The following RXFP2 variants were observed in gnomAD, a reference collection of about 807,000 sequenced individuals.
RXFP2 encodes the protein relaxin receptor 2.
A neutral mutation model predicts 88.6 loss-of-function variants in RXFP2; 68 were observed. The observed-to-expected ratio is 0.77, with a 90% CI of 0.63 to 0.94. The LOEUF (loss-of-function observed/expected upper bound fraction) is 0.94, where lower values mean the gene tolerates loss of function less well. Ranked by LOEUF, RXFP2 falls within the 40% of genes least tolerant of loss-of-function variation. The probability of loss-of-function intolerance (pLI) is 0.00; values close to 1 mark genes in which losing one functional copy is unlikely to be tolerated. For missense variants in RXFP2, 791 were observed against 893.9 expected (o/e 0.88, Z 1.47); for synonymous variants, 329 against 306.8 (o/e 1.07, Z -0.76).
At chr13:31,740,018 G>T (rs1414345364) in intron 1 of RXFP2, among the ~76,000 whole-genome samples, 2 of 152,116 alleles carry the variant, frequency 1.3e-5, no homozygotes, top group Non-Finnish European at 2.9e-5. Context: ...TCTGAAAAGT[G>T]TGACAAATTA....
intron 2 of RXFP2, 151 bp from the exon 3 acceptor site, chr13:31,761,573 C>G (rs1023813218): frequency 1.7e-6 from 1 of 593,532 alleles, no homozygotes; most frequent in Non-Finnish European, 3.1e-6. Flanking sequence ...AGATGTTTGC[C>G]TAACTTTTTC....
chr13:31,794,299 C>T (rs977906650), intron 16 of RXFP2, among the ~76,000 whole-genome samples: 1 of 151,536 alleles, frequency 6.6e-6, no homozygotes, highest in African/African-American at 2.4e-5. Context: ...CTTTGTATTT[C>T]CTTATCATTC....
At position 31,761,733 on chromosome 13, in the gene RXFP2, G is replaced by A. The variant is rs758330882; in HGVS notation, c.251G>A (p.Ser84Asn). The A allele has an allele frequency of 1.2e-6, 2 of 1,611,212 alleles. No individual in the cohort carries two copies. The highest frequency in any genetic ancestry group is 2.2e-5 in the South Asian group (2 of 91,034). Residue 84 changes from serine to asparagine, a missense_variant, in exon 3 of 18, where the codon AGT becomes AAT. Coordinates refer to ENST00000298386, the MANE Select transcript of RXFP2 (RefSeq NM_130806.5). ...GADEENCGDTSGWATIFGTVH... is the reference protein window; with the variant it reads ...GADEENCGDTNGWATIFGTVH... ...AATCACTATTTCACAGGTGACACTA[G>A]TGGATGGGCGACCATATTTGGCACA...
intron 3 of RXFP2, among the ~76,000 whole-genome samples, chr13:31,764,398 CCTT>C (rs1300538140): frequency 6.1e-5 from 9 of 148,282 alleles, no homozygotes; most frequent in East Asian, 2.0e-4. Flanking sequence ...CATCCTGAGT[CCTT>C]CTTCTTTCTT....
At position 31,765,131 on chromosome 13, in the gene RXFP2, T is replaced by C. The variant is rs143488386; in HGVS notation, c.414T>C (p.Asn138=). The C allele has an allele frequency of 1.2e-4, 196 of 1,592,110 alleles. 1 individual carries two copies. The highest frequency in any genetic ancestry group is 1.5e-4 in the Non-Finnish European group (178 of 1,160,452). ...DLKSVPMISN[N]VTLLSLKKNK... is the part of the protein sequence containing the mutation. ...AGTCTGTGCCGATGATTTCTAACAA[T>C]GTGACATTACTGTGAGTAAAACTTA... The change falls in exon 4 of 18, where the codon AAT becomes AAC. Residue 138 remains asparagine (N), a synonymous_variant. Coordinates refer to ENST00000298386, the MANE Select transcript of RXFP2 (RefSeq NM_130806.5).
At chr13:31,776,180 TTC>T (rs559202056) in intron 7 of RXFP2, among the ~76,000 whole-genome samples, 12 of 148,864 alleles carry the variant, frequency 8.1e-5, no homozygotes, top group Non-Finnish European at 1.5e-4. Context: ...TCCTTTCTCT[TTC>T]TCTCTTTCTT....
At chr13:31,759,402 A>AAAGAAAGAAAGAAAGAAAGAAAGAAAG (rs1280067597) in intron 2 of RXFP2, among the ~76,000 whole-genome samples, 13 of 148,730 alleles carry the variant, frequency 8.7e-5, no homozygotes, top group African/African-American at 1.2e-4. Context: ...AGAAAGAAAG[A>AAAGAAAGAAAGAAAGAAAGAAAGAAAG]AAGAAAGAAA....
At chr13:31,771,040 C>T (rs894521380) in intron 5 of RXFP2, among the ~76,000 whole-genome samples, 1 of 152,164 alleles carries the variant, frequency 6.6e-6, no homozygotes, top group Non-Finnish European at 1.5e-5. Flanking sequence ...AAAGGAAAGG[C>T]ATCCCCACAG....
At chr13:31,773,938 C>A (rs976480996) in intron 5 of RXFP2, among the ~76,000 whole-genome samples, 1 of 152,182 alleles carries the variant, frequency 6.6e-6, no homozygotes, top group Non-Finnish European at 1.5e-5. Context: ...GAATTCAGAG[C>A]TAACTTCCCA....
chr13:31,745,337 C>T (rs925271647), intron 1 of RXFP2, among the ~76,000 whole-genome samples: 10 of 152,158 alleles, frequency 6.6e-5, no homozygotes, highest in African/African-American at 2.2e-4. Flanking sequence ...TCTGAACTGT[C>T]GCATCTCAGA....
chr13:31,788,720 C>A (rs1029867979), intron 13 of RXFP2, among the ~76,000 whole-genome samples: 1 of 152,102 alleles, frequency 6.6e-6, no homozygotes, highest in Non-Finnish European at 1.5e-5. Flanking sequence ...ATATTTAAAT[C>A]CAGATTCTCA....
chr13:31,767,337 TG>T (rs1407424642), intron 5 of RXFP2, among the ~76,000 whole-genome samples: 1 of 152,206 alleles, frequency 6.6e-6, no homozygotes, highest in Admixed American at 6.5e-5. Context: ...TGTGGGTATG[TG>T]GTCATGTCAT....
chr13:31,792,898 A>C lies in RXFP2; in HGVS notation c.1596A>C (p.Arg532=). The C allele has an allele frequency of 6.2e-7, 1 of 1,614,062 alleles. No individual in the cohort carries two copies. Among genetic ancestry groups the C allele is most frequent in the Non-Finnish European group, 8.5e-7 (1 of 1,180,014 alleles). ...TTGTCTTCCCCTTCAGTAACATTCG[A>C]CCTGGAAAACGGCAGACCTCAGTCA... ...LVIVFPFSNI[R]PGKRQTSVIL... Residue 532 remains arginine, a synonymous_variant, in exon 16 of 18, where the codon CGA becomes CGC. Coordinates refer to ENST00000298386, the MANE Select transcript of RXFP2 (RefSeq NM_130806.5).
Position 31,797,239 on chromosome 13 carries a change from T to C in RXFP2, c.1825T>C (p.Tyr609His). 2.5e-6 allele frequency: 4 copies of C among 1,613,974 alleles called. No individual in the cohort carries two copies. The highest frequency in any genetic ancestry group is 1.7e-4 in the Middle Eastern group (1 of 6,060). ...GGCTTTTCTCATCATTGTGTTTTCC[T>C]ATATTACTATGTTCTGTTCCATTCA... ...LLAFLIIVFS[Y>H]ITMFCSIQKT... Residue 609 changes from tyrosine (Y) to histidine (H), a missense_variant, in exon 17 of 18, where the codon TAT (tyrosine) becomes CAT (histidine). Tyr to His is a moderately conservative substitution (Grantham distance 83). Coordinates refer to ENST00000298386, the MANE Select transcript of RXFP2 (RefSeq NM_130806.5).
chr13:31,766,315 G>A (rs1221216040), intron 5 of RXFP2, among the ~76,000 whole-genome samples: 1 of 151,844 alleles, frequency 6.6e-6, no homozygotes, highest in Admixed American at 6.6e-5. Flanking sequence ...TCAAGATATT[G>A]GGAAAATGAC....
At chr13:31,761,914 A>C in intron 3 of RXFP2, 113 bp downstream of exon 3, 1 of 726,590 alleles carries the variant, frequency 1.4e-6, no homozygotes, top group South Asian at 1.5e-5. Flanking sequence ...GTTTTAGTTC[A>C]ATGTATTTCA....
At chr13:31,758,138 G>T in intron 1 of RXFP2, 120 bp from the exon 2 acceptor site, 1 of 953,050 alleles carries the variant, frequency 1.0e-6, no homozygotes, top group Middle Eastern at 2.1e-4. Flanking sequence ...CAAAGAAACT[G>T]TGCACTAAGA....
intron 17 of RXFP2, 139 bp downstream of exon 17, chr13:31,797,558 C>A: frequency 1.4e-6 from 1 of 711,730 alleles, no homozygotes; most frequent in Non-Finnish European, 2.4e-6. Flanking sequence ...GTTTTATAAT[C>A]AGTATTATAA....
chr13:31,789,935 G>A (rs753603225), intron 14 of RXFP2, among the ~76,000 whole-genome samples: 1 of 152,068 alleles, frequency 6.6e-6, no homozygotes, highest in Non-Finnish European at 1.5e-5. Context: ...ATTTCCACAT[G>A]GTTTTGTTCA....
Sources: allele counts gnomAD v4.1 joint callset (sites outside exome capture counted in the v4.1 genomes callset), GRCh38; gene constraint gnomAD v4.1.1; transcripts MANE v1.5; gene names NCBI Gene and HGNC (gene_info 2026-07-23, HGNC 2026-07-21).